ELL: variants seen among roughly 807,000 people sequenced by gnomAD.
ELL encodes elongation factor for RNA polymerase II.
ELL carries 18 observed loss-of-function variants against 64.0 expected under a neutral mutation model. The ratio of observed to expected loss-of-function variants is 0.28; its 90% CI spans 0.19 to 0.42. ELL has a LOEUF of 0.42. ELL is among the 10% of genes least tolerant of loss of function. The probability of loss-of-function intolerance (pLI) is 1.00; values close to 1 mark genes in which losing one functional copy is unlikely to be tolerated. For synonymous variants in ELL, 399 were observed against 376.2 expected (o/e 1.06, Z -0.70); for missense variants, 797 against 870.4 (o/e 0.92, Z 1.06).
chr19:18,472,842 C>G lies in ELL; in HGVS notation c.176G>C (p.Ser59Thr), dbSNP rs768925052. The G allele has an allele frequency of 6.3e-7, 1 of 1,584,906 alleles. No homozygotes were observed. Among genetic ancestry groups the G allele is most frequent in the East Asian group, 2.3e-5 (1 of 43,944 alleles). Residue 59 changes from serine to threonine, a missense_variant, in exon 2 of 12, where the codon AGC (serine) becomes ACC (threonine). Physicochemically the swap from Ser to Thr is moderately conservative, Grantham distance 58 (BLOSUM62 1). Transcript: ENST00000262809. ...SLRPSIRFQG[S>T]QGHISIPQPD... The stretch of plus-strand genomic sequence containing the variant: ...ATTAAGACAAAAACTTACCCCTTGG[C>G]TTCCTTGAAATCGGATAGATGGCCT...
chr19:18,464,719 C>T (rs118082755), intron 4 of ELL, among the ~76,000 whole-genome samples: 10,718 of 152,288 alleles, frequency 0.07, 542 homozygotes, highest in Non-Finnish European at 0.11. Flanking sequence ...CCCTGAAGCC[C>T]GGCACCCTAC....
intron 6 of ELL, among the ~76,000 whole-genome samples, chr19:18,453,364 T>C (rs1403656485): frequency 6.6e-6 from 1 of 152,222 alleles, no homozygotes; most frequent in African/African-American, 2.4e-5. Context: ...AAAGAAGCTA[T>C]ACAAATGGCT....
intron 1 of ELL, among the ~76,000 whole-genome samples, chr19:18,499,728 C>T (rs374583508): frequency 1.3e-5 from 2 of 152,118 alleles, no homozygotes; most frequent in Non-Finnish European, 2.9e-5. Context: ...CATCTGCTCC[C>T]GAGACAGAGG....
At chr19:18,479,957 C>T (rs1310211300) in intron 1 of ELL, among the ~76,000 whole-genome samples, 1 of 152,150 alleles carries the variant, frequency 6.6e-6, no homozygotes, top group Non-Finnish European at 1.5e-5. Flanking sequence ...CAGAAGTGCC[C>T]ACTCTCCCCA....
At chr19:18,491,843 G>C (rs1039657975) in intron 1 of ELL, among the ~76,000 whole-genome samples, 9 of 152,224 alleles carry the variant, frequency 5.9e-5, no homozygotes, top group Admixed American at 3.3e-4. Flanking sequence ...CTTGAGCCTG[G>C]GAGGTTGAGA....
chr19:18,473,190 C>T, intron 1 of ELL: 1 of 634,394 alleles, frequency 1.6e-6, no homozygotes, highest in South Asian at 1.5e-5. Context: ...GTGTGCCATC[C>T]TTGGAAAGCC....
chr19:18,503,498 CA>C (rs1975823470), intron 1 of ELL, among the ~76,000 whole-genome samples: 1 of 152,150 alleles, frequency 6.6e-6, no homozygotes, highest in Non-Finnish European at 1.5e-5. Flanking sequence ...ACAGACAGAA[CA>C]GGCTATTGCA....
intron 1 of ELL, among the ~76,000 whole-genome samples, chr19:18,519,367 A>G (rs1976203580): frequency 6.6e-6 from 1 of 152,212 alleles, no homozygotes; most frequent in Non-Finnish European, 1.5e-5. Context: ...GTTTGTCCAT[A>G]ACCAGTATAT....
chr19:18,520,399 T>A (rs1400915487), intron 1 of ELL, among the ~76,000 whole-genome samples: 1 of 152,182 alleles, frequency 6.6e-6, no homozygotes, highest in Non-Finnish European at 1.5e-5. Flanking sequence ...CTGCTGTCGC[T>A]GCCACTGTCT....
rs767837812 is a variant in ELL at position 18,444,614 on chromosome 19, G to C, written c.*138C>G. 1.1e-6 allele frequency: 1 copy of C among 921,170 alleles called. No homozygotes were observed. The highest frequency in any genetic ancestry group is 1.6e-6 in the Non-Finnish European group (1 of 624,610). The allele number at this position is 921,170 out of a possible 1,614,324, so 57.1% of individuals were successfully genotyped here. ...TTGCAGCCACCCGCCAGGGCCAGAC[G>C]TCTGCAGGGGCTGCCCTGAAAGCCG... On this transcript the variant is annotated 3_prime_UTR_variant, in exon 12 of 12. Coordinates refer to ENST00000262809, the MANE Select transcript of ELL (RefSeq NM_006532.4).
chr19:18,478,539 G>C (rs1490117697), intron 1 of ELL, among the ~76,000 whole-genome samples: 1 of 152,190 alleles, frequency 6.6e-6, no homozygotes, highest in Non-Finnish European at 1.5e-5. Flanking sequence ...CCCAGCATGA[G>C]GTATGGAACT....
At chr19:18,518,376 C>CT (rs1976175292) in intron 1 of ELL, among the ~76,000 whole-genome samples, 1 of 151,698 alleles carries the variant, frequency 6.6e-6, no homozygotes, top group Admixed American at 6.6e-5. Flanking sequence ...TGGTGCACAC[C>CT]TGTGGCCCCA....
intron 5 of ELL, among the ~76,000 whole-genome samples, chr19:18,459,050 G>T (rs1974745317): frequency 6.6e-6 from 1 of 152,044 alleles, no homozygotes; most frequent in South Asian, 2.1e-4. Context: ...ATCATACCCA[G>T]CTAATTTTTT....
At chr19:18,475,578 G>A (rs1298372101) in intron 1 of ELL, among the ~76,000 whole-genome samples, 5 of 152,164 alleles carry the variant, frequency 3.3e-5, no homozygotes, top group African/African-American at 4.8e-5. Context: ...TCCAAAAAGC[G>A]GCAGTAGCCC....
intron 6 of ELL, among the ~76,000 whole-genome samples, chr19:18,452,436 A>T (rs1259940726): frequency 6.6e-6 from 1 of 152,226 alleles, no homozygotes; most frequent in Non-Finnish European, 1.5e-5. Flanking sequence ...ATGTGGACAT[A>T]AACAGAACTC....
intron 2 of ELL, among the ~76,000 whole-genome samples, chr19:18,469,305 A>G (rs1233309356): frequency 2.0e-5 from 3 of 152,194 alleles, no homozygotes; most frequent in African/African-American, 7.2e-5. Flanking sequence ...ACGAAGCGCT[A>G]TGGAGCCCTC....
chr19:18,495,973 C>A (rs1290700925), intron 1 of ELL, among the ~76,000 whole-genome samples: 1 of 152,168 alleles, frequency 6.6e-6, no homozygotes, highest in Non-Finnish European at 1.5e-5. Context: ...TGAGCCCCTA[C>A]CCTACCTGCT....
chr19:18,500,835 A>G (rs1259629237), intron 1 of ELL, among the ~76,000 whole-genome samples: 3 of 152,218 alleles, frequency 2.0e-5, no homozygotes, highest in African/African-American at 4.8e-5. Flanking sequence ...GGTACACTGA[A>G]GCATACCCAA....
chr19:18,446,228 T>TAA (rs1371458111), intron 10 of ELL, 81 bp downstream of exon 10: 17 of 943,682 alleles, frequency 1.8e-5, no homozygotes, highest in Non-Finnish European at 2.4e-5. Flanking sequence ...GCCACCAAGC[T>TAA]CGTGGTGGCG....
Sources: gnomAD v4.1 joint callset for allele counts (sites outside exome capture counted in the v4.1 genomes callset) on GRCh38, gnomAD v4.1.1 for gene constraint, MANE v1.5 for transcripts, NCBI Gene and HGNC (gene_info 2026-07-23, HGNC 2026-07-21) for gene names.